The following MAPK10 variants were observed in gnomAD, a reference collection of about 807,000 sequenced individuals.
The protein encoded by MAPK10 is JNK3 alpha protein kinase.
In MAPK10, 25 loss-of-function variants were observed where a neutral mutation model predicts 59.3. The ratio of observed to expected loss-of-function variants is 0.42; its 90% CI spans 0.31 to 0.59. MAPK10 has a LOEUF of 0.59. MAPK10 is among the 20% of genes least tolerant of loss of function. The probability of loss-of-function intolerance (pLI) is 0.15; values close to 1 mark genes in which losing one functional copy is unlikely to be tolerated. For synonymous variants in MAPK10, 190 were observed against 200.5 expected (o/e 0.95, Z 0.44); for missense variants, 351 against 568.9 (o/e 0.62, Z 3.90).
At chr4:86,155,224 T>G (rs2067420647) in intron 4 of MAPK10, among the ~76,000 whole-genome samples, 1 of 151,970 alleles carries the variant, frequency 6.6e-6, no homozygotes, top group South Asian at 2.1e-4. Flanking sequence ...ACACCTGAGT[T>G]TCTGCTGAAC....
intron 1 of MAPK10, among the ~76,000 whole-genome samples, chr4:86,511,146 C>A (rs955241661): frequency 6.6e-6 from 1 of 152,142 alleles, no homozygotes; most frequent in Non-Finnish European, 1.5e-5. Flanking sequence ...CACATGTACC[C>A]CAAAAATGTG....
In MAPK10 at chr4:86,034,588, A is replaced by G. The variant is rs777962605; in HGVS notation, c.1111-3157T>C. 4.1e-4 allele frequency among the ~76,000 whole-genome samples: 62 copies of G among 152,328 alleles called. No homozygotes were observed. In the Middle Eastern group the frequency reaches 0.017, roughly 42 times the overall value. On this transcript the variant is annotated intron_variant, in intron 11 of 13. Coordinates refer to ENST00000641462, the MANE Select transcript of MAPK10 (RefSeq NM_138982.4). ...CTAACACATGGCAGACTATATAAAA[A>G]ACTGAGATTTCAAAATTGAATAAGG...
chr4:86,526,984 G>T (rs767141050), intron 1 of MAPK10, among the ~76,000 whole-genome samples: 1 of 152,028 alleles, frequency 6.6e-6, no homozygotes, highest in Non-Finnish European at 1.5e-5. Context: ...CAAGCATGTG[G>T]TCAATCTTGG....
chr4:86,432,524 C>G (rs1424422914), intron 1 of MAPK10, among the ~76,000 whole-genome samples: 1 of 152,176 alleles, frequency 6.6e-6, no homozygotes, highest in Admixed American at 6.5e-5. Context: ...AGGTGATCTG[C>G]CTGCCTCGGC....
At position 86,073,411 on chromosome 4, in the gene MAPK10, T is replaced by G. The variant is rs1255148042; in HGVS notation, c.803-5456A>C. Among the ~76,000 whole-genome samples the G allele has an allele frequency of 4.0e-5, 6 of 150,444 alleles. No individual in the cohort carries two copies. In the East Asian group the frequency reaches 1.2e-3, roughly 29 times the overall value. On this transcript the variant is annotated intron_variant, in intron 9 of 13. Coordinates refer to ENST00000641462, the MANE Select transcript of MAPK10 (RefSeq NM_138982.4). ...TATTTCCTTCAGTTCTGCTCTGATT[T>G]TTGTTATTTCTTGCCTTCTGCTAGC...
At chr4:86,155,083 G>A (rs780157322) in intron 4 of MAPK10, among the ~76,000 whole-genome samples, 9 of 151,934 alleles carry the variant, frequency 5.9e-5, no homozygotes, top group South Asian at 2.1e-4. Context: ...ATCAGAGTGC[G>A]GATGGAGTAA....
intron 3 of MAPK10, among the ~76,000 whole-genome samples, chr4:86,190,662 G>A (rs764340422): frequency 6.6e-6 from 1 of 151,476 alleles, no homozygotes; most frequent in Non-Finnish European, 1.5e-5. Flanking sequence ...CTGGCTAGCA[G>A]TCTATCTATT....
At chr4:86,277,993 TG>T in intron 2 of MAPK10, among the ~76,000 whole-genome samples, 1 of 152,246 alleles carries the variant, frequency 6.6e-6, no homozygotes, top group Non-Finnish European at 1.5e-5. Context: ...AACATCATGA[TG>T]TTTTTAAATA....
At position 86,014,249 on chromosome 4, in the gene MAPK10, GA is replaced by G. The variant is rs1313632249; in HGVS notation, c.*2978del. ...CAGGTGACTTGACACTTGCCTACCGGAAAAGTTGGGATGTTCTTGGGAAATA... is the reference window on the plus strand; with the variant it reads ...CAGGTGACTTGACACTTGCCTACCGGAAAGTTGGGATGTTCTTGGGAAATA... On this transcript the variant is annotated 3_prime_UTR_variant, in exon 14 of 14. Transcript: ENST00000641462. 6.6e-6 allele frequency: 1 copy of G among 151,584 alleles called. No individual in the cohort carries two copies. The highest frequency in any genetic ancestry group is 1.5e-5 in the Non-Finnish European group (1 of 67,998). 9.4% of individuals were successfully genotyped at this position (151,584 alleles called of 1,614,324 possible).
intron 2 of MAPK10, among the ~76,000 whole-genome samples, chr4:86,245,179 G>A (rs2092999387): frequency 6.6e-6 from 1 of 152,096 alleles, no homozygotes; most frequent in Admixed American, 6.6e-5. Context: ...TCCTGTACAT[G>A]TCATAACACT....
At chr4:86,172,928 C>T (rs569081004) in intron 3 of MAPK10, among the ~76,000 whole-genome samples, 1 of 151,800 alleles carries the variant, frequency 6.6e-6, no homozygotes, top group African/African-American at 2.4e-5. Context: ...AGGATCTTTT[C>T]AAGGAGAATT....
intron 3 of MAPK10, among the ~76,000 whole-genome samples, chr4:86,183,133 C>T (rs1384107573): frequency 7.2e-6 from 1 of 138,818 alleles, no homozygotes; most frequent in African/African-American, 3.2e-5. Context: ...TTAGTTTTGG[C>T]TGGTTTTTTT....
chr4:86,232,622 C>T (rs1011552055), intron 2 of MAPK10, among the ~76,000 whole-genome samples: 4 of 152,132 alleles, frequency 2.6e-5, no homozygotes, highest in African/African-American at 9.7e-5. Flanking sequence ...ATCCGCCTGC[C>T]TGGGCCTCCC....
chr4:86,575,186 T>C (rs758716940), intron 1 of MAPK10, among the ~76,000 whole-genome samples: 1 of 152,200 alleles, frequency 6.6e-6, no homozygotes, highest in Admixed American at 6.5e-5. Context: ...AGATTCGCAC[T>C]GATTCTCCCC....
At position 86,106,434 on chromosome 4, in the gene MAPK10, TTATTATA is replaced by T. The variant is rs1203032616; in HGVS notation, c.366+782_366+788del. On this transcript the variant is annotated intron_variant, in intron 5 of 13. Coordinates refer to ENST00000641462, the MANE Select transcript of MAPK10 (RefSeq NM_138982.4). Reference sequence around the variant, plus strand: ...AATTTTATTTATAATAATTTATAATTTATTATATATTTATATCTAAAATGTATTTGAT... The same window carrying T: ...AATTTTATTTATAATAATTTATAATTTATTTATATCTAAAATGTATTTGAT... 6.1e-5 allele frequency among the ~76,000 whole-genome samples: 9 copies of T among 148,742 alleles called. No individual in the cohort carries two copies. In the East Asian group the frequency reaches 1.7e-3, roughly 29 times the overall value.
chr4:86,490,507 C>A (rs1446404414), intron 1 of MAPK10, among the ~76,000 whole-genome samples: 3 of 152,176 alleles, frequency 2.0e-5, no homozygotes, highest in Non-Finnish European at 4.4e-5. Context: ...ATGCAATATA[C>A]TCTAATTCAA....
At chr4:86,486,993 T>C (rs994364947) in intron 1 of MAPK10, among the ~76,000 whole-genome samples, 1 of 152,118 alleles carries the variant, frequency 6.6e-6, no homozygotes, top group African/African-American at 2.4e-5. Flanking sequence ...GTGATGAACA[T>C]TCTGTCACAT....
At chr4:86,422,479 T>G (rs562997800) in intron 1 of MAPK10, among the ~76,000 whole-genome samples, 10 of 152,214 alleles carry the variant, frequency 6.6e-5, no homozygotes, top group Non-Finnish European at 1.5e-4. Context: ...CATTCCATTA[T>G]GCCAACAAAA....
intron 1 of MAPK10, among the ~76,000 whole-genome samples, chr4:86,508,709 A>C (rs924503630): frequency 2.6e-5 from 4 of 152,196 alleles, no homozygotes; most frequent in Admixed American, 2.6e-4. Context: ...GCAAAAATAA[A>C]CATTCTAAAT....
Sources: gnomAD v4.1 joint callset for allele counts (sites outside exome capture counted in the v4.1 genomes callset) on GRCh38, gnomAD v4.1.1 for gene constraint, MANE v1.5 for transcripts, NCBI Gene and HGNC (gene_info 2026-07-23, HGNC 2026-07-21) for gene names.